Variants in OR1J2 observed in about 807,000 individuals in gnomAD.
OR1J2 encodes olfactory receptor family 1 subfamily J member 2, also known as olfactory receptor 1J2.
For missense variants in OR1J2, 304 were observed against 246.1 expected, an observed-to-expected ratio of 1.24 and a Z score of -1.57; for synonymous variants, 142 against 99.7, an observed-to-expected ratio of 1.42 and a Z score of -2.52.
chr9:122,453,899 A>G, the OR1J2 span, among the ~76,000 whole-genome samples: 1 of 152,248 alleles, frequency 6.6e-6, no homozygotes, highest in Non-Finnish European at 1.5e-5. Context: ...CTGTTAGCTG[A>G]CAGTCACAGT....
chr9:122,484,951 T>C, the OR1J2 span, among the ~76,000 whole-genome samples: 1 of 152,084 alleles, frequency 6.6e-6, no homozygotes, highest in Non-Finnish European at 1.5e-5. Context: ...GGAGGGTCGC[T>C]TGAGCTCGGG....
chr9:122,571,028 TA>T, the OR1J2 span, among the ~76,000 whole-genome samples: 1 of 152,224 alleles, frequency 6.6e-6, no homozygotes, highest in African/African-American at 2.4e-5. Flanking sequence ...TTGGTAAAGC[TA>T]TACATATCTT....
the OR1J2 span, among the ~76,000 whole-genome samples, chr9:122,485,960 G>C: frequency 7.2e-6 from 1 of 138,650 alleles, no homozygotes; most frequent in Non-Finnish European, 1.6e-5. Flanking sequence ...TCCCACATAA[G>C]TTTTTTTTTT....
chr9:122,549,058 A>G, the OR1J2 span, among the ~76,000 whole-genome samples: 1 of 152,144 alleles, frequency 6.6e-6, no homozygotes. Context: ...CAATGTTGAT[A>G]TGATTTGGAT....
chr9:122,572,059 A>G, the OR1J2 span, among the ~76,000 whole-genome samples: 289 of 152,306 alleles, frequency 1.9e-3, 2 homozygotes, highest in African/African-American at 6.8e-3. Context: ...GGCATCTTAC[A>G]TGGCAGGAGC....
chr9:122,520,709 A>G, the OR1J2 span, among the ~76,000 whole-genome samples: 1 of 152,250 alleles, frequency 6.6e-6, no homozygotes, highest in African/African-American at 2.4e-5. Flanking sequence ...GTAATGAATG[A>G]GAAGAACAAA....
chr9:122,471,035 G>T, the OR1J2 span, among the ~76,000 whole-genome samples: 1,343 of 152,240 alleles, frequency 8.8e-3, 18 homozygotes, highest in African/African-American at 0.031. Context: ...TTGGACTTTT[G>T]GGTTAATGCT....
At chr9:122,565,654 A>G in the OR1J2 span, among the ~76,000 whole-genome samples, 1 of 152,222 alleles carries the variant, frequency 6.6e-6, no homozygotes, top group Non-Finnish European at 1.5e-5. Context: ...TAGAAGAAGT[A>G]TGGATCCCGT....
At chr9:122,520,551 G>C in the OR1J2 span, among the ~76,000 whole-genome samples, 2 of 152,152 alleles carry the variant, frequency 1.3e-5, no homozygotes, top group Admixed American at 1.3e-4. Context: ...GCTATTCACT[G>C]TCATAAGTTC....
the OR1J2 span, among the ~76,000 whole-genome samples, chr9:122,528,701 C>G: frequency 1.3e-5 from 2 of 152,190 alleles, no homozygotes; most frequent in African/African-American, 4.8e-5. Flanking sequence ...AAAACTAAAA[C>G]TGAAGGCTTC....
chr9:122,470,897 T>C, the OR1J2 span, among the ~76,000 whole-genome samples: 61 of 152,200 alleles, frequency 4.0e-4, 3 homozygotes, highest in Non-Finnish European at 2.9e-5. Flanking sequence ...TTTTGGCCAA[T>C]TTCCCCCATT....
chr9:122,576,225 T>TA, the OR1J2 span, among the ~76,000 whole-genome samples: 1 of 151,516 alleles, frequency 6.6e-6, no homozygotes, highest in South Asian at 2.1e-4. Context: ...TTTTTTACAT[T>TA]TTTTTTTATT....
Position 122,511,680 on chromosome 9 carries a change from G to A in OR1J2, c.879G>A (p.Arg293=), listed in dbSNP as rs1828640601. 2.6e-6 allele frequency: 2 copies of A among 781,020 alleles called. No homozygotes were observed. The highest frequency in any genetic ancestry group is 4.8e-6 in the Non-Finnish European group (2 of 418,122). The allele number at this position is 781,020 out of a possible 1,614,324, so 48.4% of individuals were successfully genotyped here. The change falls in exon 1 of 1, where the codon AGG becomes AGA. Residue 293 remains arginine (R), a synonymous_variant. Coordinates refer to ENST00000335302, the MANE Select transcript of OR1J2 (RefSeq NM_054107.1). ...TGAACCCCTTTATCTACAGCCTTAG[G>A]AACAGGGACATGAAAGAGGCCCTTG... ...PMLNPFIYSL[R]NRDMKEALGK...
At chr9:122,515,352 TTGTGTGTGTGTG>T (rs10651846), downstream of OR1J2, among the ~76,000 whole-genome samples, 22 of 135,812 alleles carry the variant, frequency 1.6e-4, no homozygotes, top group African/African-American at 4.1e-4. Flanking sequence ...CAGGAGCAGG[TTGTGTGTGTGTG>T]TGTGTGTGTG....
chr9:122,562,428 G>C, the OR1J2 span, among the ~76,000 whole-genome samples: 1 of 152,204 alleles, frequency 6.6e-6, no homozygotes, highest in Admixed American at 6.5e-5. Context: ...CTCTGTTGTT[G>C]GGACCCTAGG....
the OR1J2 span, among the ~76,000 whole-genome samples, chr9:122,545,428 A>C: frequency 6.6e-5 from 10 of 152,256 alleles, no homozygotes; most frequent in African/African-American, 2.4e-4. Flanking sequence ...AAATATCTAG[A>C]TATAATTGTG....
the OR1J2 span, chr9:122,527,163 A>T: frequency 1.7e-5 from 28 of 1,614,090 alleles, no homozygotes; most frequent in Non-Finnish European, 2.1e-5. Context: ...AATGGCCAGG[A>T]TGATGAGCAG....
chr9:122,504,923 C>G, the OR1J2 span, among the ~76,000 whole-genome samples: 3 of 152,066 alleles, frequency 2.0e-5, no homozygotes, highest in Admixed American at 1.3e-4. Flanking sequence ...CCCAGAGCAT[C>G]CAGTTCCTAT....
At chr9:122,542,005 A>G in the OR1J2 span, among the ~76,000 whole-genome samples, 8 of 152,220 alleles carry the variant, frequency 5.3e-5, no homozygotes, top group Non-Finnish European at 1.0e-4. Flanking sequence ...CTGTCCTCTC[A>G]GAGGTAATTG....
Sources: gnomAD v4.1 joint callset for allele counts (sites outside exome capture counted in the v4.1 genomes callset) on GRCh38, gnomAD v4.1.1 for gene constraint, MANE v1.5 for transcripts, NCBI Gene and HGNC (gene_info 2026-07-23, HGNC 2026-07-21) for gene names.